The following SLC2A13 variants were observed in gnomAD, a reference collection of about 807,000 sequenced individuals.
SLC2A13 encodes solute carrier family 2 member 13.
A neutral mutation model predicts 64.4 loss-of-function variants in SLC2A13; 32 were observed. The ratio of observed to expected loss-of-function variants is 0.50; its 90% CI spans 0.37 to 0.67. SLC2A13 has a LOEUF of 0.67. SLC2A13 is among the 30% of genes least tolerant of loss of function. The pLI is 0.00. For missense variants in SLC2A13, 743 were observed against 829.2 expected, an observed-to-expected ratio of 0.90 and a Z score of 1.28; for synonymous variants, 338 against 327.1, an observed-to-expected ratio of 1.03 and a Z score of -0.36.
At chr12:40,014,534 C>T (rs1300167222) in intron 3 of SLC2A13, among the ~76,000 whole-genome samples, 2 of 152,048 alleles carry the variant, frequency 1.3e-5, no homozygotes, top group Admixed American at 6.6e-5. Flanking sequence ...TCTTGTTGCC[C>T]AGGCTGGAGT....
intron 7 of SLC2A13, among the ~76,000 whole-genome samples, chr12:39,790,284 T>C (rs778961600): frequency 6.6e-6 from 1 of 151,272 alleles, no homozygotes; most frequent in East Asian, 2.0e-4. Context: ...GTTAGTTACA[T>C]ATGTATACAT....
At chr12:39,878,105 C>A (rs1944237727) in intron 4 of SLC2A13, among the ~76,000 whole-genome samples, 2 of 152,174 alleles carry the variant, frequency 1.3e-5, no homozygotes, top group African/African-American at 2.4e-5. Flanking sequence ...GATGCCAGCA[C>A]CACTCTTCCT....
chr12:39,799,896 T>A (rs776418117), intron 7 of SLC2A13, among the ~76,000 whole-genome samples: 2 of 152,216 alleles, frequency 1.3e-5, no homozygotes, highest in Non-Finnish European at 2.9e-5. Context: ...GAATCAAATT[T>A]ACAACAGAAT....
intron 4 of SLC2A13, among the ~76,000 whole-genome samples, chr12:39,902,312 C>G (rs1032339113): frequency 2.0e-5 from 3 of 150,756 alleles, no homozygotes; most frequent in African/African-American, 7.3e-5. Context: ...GCACATTGTG[C>G]AAATGTACCC....
chr12:39,955,881 G>T (rs1470110363), intron 3 of SLC2A13, among the ~76,000 whole-genome samples: 1 of 152,234 alleles, frequency 6.6e-6, no homozygotes, highest in South Asian at 2.1e-4. Context: ...GACTCTGGAG[G>T]GGGTGTGGGA....
At chr12:40,079,890 T>A (rs1938330381) in intron 1 of SLC2A13, among the ~76,000 whole-genome samples, 1 of 152,102 alleles carries the variant, frequency 6.6e-6, no homozygotes, top group Non-Finnish European at 1.5e-5. Context: ...TGAGATGGAG[T>A]CTCACTCTGT....
chr12:39,851,398 A>G (rs936300420), intron 6 of SLC2A13, among the ~76,000 whole-genome samples: 1 of 152,236 alleles, frequency 6.6e-6, no homozygotes, highest in African/African-American at 2.4e-5. Context: ...GAATTAAAAA[A>G]TGCATTCTGA....
At chr12:39,854,041 G>A (rs1943539071) in intron 6 of SLC2A13, among the ~76,000 whole-genome samples, 1 of 151,676 alleles carries the variant, frequency 6.6e-6, no homozygotes, top group African/African-American at 2.4e-5. Flanking sequence ...TTGCTTCTTG[G>A]GTAACTGATA....
intron 4 of SLC2A13, among the ~76,000 whole-genome samples, chr12:39,881,743 T>C (rs114788832): frequency 0.014 from 2,087 of 152,242 alleles, 34 homozygotes; most frequent in African/African-American, 0.047. Flanking sequence ...ATATTTTAGA[T>C]ACCTCTGGGC....
At position 39,838,506 on chromosome 12, in the gene SLC2A13, TAAA is replaced by T. The variant is rs5797639; in HGVS notation, c.1320-8281_1320-8279del. Among the ~76,000 whole-genome samples the T allele has an allele frequency of 5.8e-3, 826 of 142,254 alleles. 5 individuals are homozygous for T. The highest frequency in any genetic ancestry group is 7.0e-3 in the Non-Finnish European group (454 of 64,928). The allele number at this position is 142,254 out of a possible 152,430, so 93.3% of individuals were successfully genotyped here. A position where few individuals can be genotyped will look rare whatever the true frequency, so the allele number is the denominator to read the frequency against. On this transcript the variant is annotated intron_variant, in intron 6 of 9. Transcript: ENST00000280871. ...TAAAGTATAATAAAAAAAAATAAAT[TAAA>T]AAAAAAAAAAAGAAAGGGAGAAAAT...
At chr12:39,882,647 G>T (rs575540878) in intron 4 of SLC2A13, among the ~76,000 whole-genome samples, 47 of 152,124 alleles carry the variant, frequency 3.1e-4, no homozygotes, top group Middle Eastern at 3.4e-3. Context: ...CACCAAGAAA[G>T]CGTGAGCAAT....
At chr12:40,011,517 GGTTT>G (rs1211769764) in intron 3 of SLC2A13, among the ~76,000 whole-genome samples, 2 of 152,240 alleles carry the variant, frequency 1.3e-5, no homozygotes, top group Non-Finnish European at 1.5e-5. Flanking sequence ...TACATGTGCA[GGTTT>G]GTTACACAGA....
intron 2 of SLC2A13, among the ~76,000 whole-genome samples, chr12:40,038,262 A>T (rs1457849710): frequency 6.6e-6 from 1 of 152,012 alleles, no homozygotes. Flanking sequence ...ATTATTTAGA[A>T]CCTGCTACTT....
At chr12:39,913,423 G>A (rs1390501704) in intron 4 of SLC2A13, among the ~76,000 whole-genome samples, 1 of 151,464 alleles carries the variant, frequency 6.6e-6, no homozygotes, top group African/African-American at 2.4e-5. Context: ...AAATAAGATG[G>A]GAGAAATAAG....
Position 39,759,394 on chromosome 12 carries a change from G to A in SLC2A13, c.*632C>T, listed in dbSNP as rs1940056843. The A allele has an allele frequency of 6.6e-6, 1 of 152,342 alleles. No homozygotes were observed. The highest frequency in any genetic ancestry group is 1.5e-5 in the Non-Finnish European group (1 of 67,980). The allele number at this position is 152,342 out of a possible 1,614,324, so 9.4% of individuals were successfully genotyped here. ...ATTTTCATAATGTTCAAAAGATAGT[G>A]TGCAGAGTCAGTATCTGAAGAACTC... On this transcript the variant is annotated 3_prime_UTR_variant, in exon 10 of 10. Transcript: ENST00000280871.
intron 3 of SLC2A13, among the ~76,000 whole-genome samples, chr12:39,965,418 C>T (rs1946492121): frequency 6.6e-6 from 1 of 152,066 alleles, no homozygotes; most frequent in African/African-American, 2.4e-5. Context: ...TTACATTTAG[C>T]AAAACTGAAG....
rs964121245 is a variant in SLC2A13, at chr12:39,755,360, A to G, written c.*4666T>C. The G allele has an allele frequency of 1.3e-5, 2 of 152,076 alleles. No homozygotes were observed. The highest frequency in any genetic ancestry group is 4.8e-5 in the African/African-American group (2 of 41,436). 9.4% of individuals were successfully genotyped at this position (152,076 alleles called of 1,614,324 possible). A position where few individuals can be genotyped will look rare whatever the true frequency, so the allele number is the denominator to read the frequency against. ...CATGCACTCAGAAATTAAAATATAC[A>G]GTTTGAAATACATATATTTTAAAAG... On this transcript the variant is annotated 3_prime_UTR_variant, in exon 10 of 10. Coordinates refer to ENST00000280871, the MANE Select transcript of SLC2A13 (RefSeq NM_052885.4).
intron 7 of SLC2A13, among the ~76,000 whole-genome samples, chr12:39,799,886 G>T (rs1371382190): frequency 6.6e-6 from 1 of 152,196 alleles, no homozygotes; most frequent in Non-Finnish European, 1.5e-5. Context: ...GGTGCAGAGA[G>T]AATCAAATTT....
intron 1 of SLC2A13, among the ~76,000 whole-genome samples, chr12:40,088,916 T>G (rs1352825169): frequency 1.3e-5 from 2 of 152,232 alleles, no homozygotes; most frequent in African/African-American, 4.8e-5. Flanking sequence ...CAGCACCCAC[T>G]GGTTTTGAGA....
Sources: allele counts gnomAD v4.1 joint callset (sites outside exome capture counted in the v4.1 genomes callset), GRCh38; gene constraint gnomAD v4.1.1; transcripts MANE v1.5; gene names NCBI Gene and HGNC (gene_info 2026-07-23, HGNC 2026-07-21).